Variants in MALRD1 observed in about 807,000 individuals in gnomAD.
The protein encoded by MALRD1 is MAM and LDL-receptor class A domain-containing protein 1.
In MALRD1, 247 loss-of-function variants were observed where a neutral mutation model predicts 242.1. The ratio of observed to expected loss-of-function variants is 1.02; its 90% CI spans 0.92 to 1.13. MALRD1 has a LOEUF of 1.13. Ranked by LOEUF, MALRD1 falls within the 50% of genes most tolerant of loss-of-function variation. MALRD1 has a pLI of 0.00. For missense variants in MALRD1, 2,989 were observed against 2,533.1 expected, an observed-to-expected ratio of 1.18 and a Z score of -3.86; for synonymous variants, 995 against 866.6, an observed-to-expected ratio of 1.15 and a Z score of -2.60.
chr10:19,708,139 CTT>C (rs1488893172), intron 38 of MALRD1, among the ~76,000 whole-genome samples: 2 of 118,652 alleles, frequency 1.7e-5, no homozygotes, highest in South Asian at 6.3e-4. Context: ...GATCTGAAAA[CTT>C]AAGAGGAAAG....
At chr10:19,654,156 A>G (rs781724657) in intron 36 of MALRD1, among the ~76,000 whole-genome samples, 1 of 152,188 alleles carries the variant, frequency 6.6e-6, no homozygotes, top group Non-Finnish European at 1.5e-5. Flanking sequence ...CACCTCCCAT[A>G]AGCACTGCCA....
intron 33 of MALRD1, among the ~76,000 whole-genome samples, chr10:19,581,231 T>C (rs937609490): frequency 2.0e-5 from 3 of 148,058 alleles, no homozygotes; most frequent in African/African-American, 7.5e-5. Flanking sequence ...ATTTATTTAT[T>C]ATTATACTTT....
At chr10:19,212,687 C>A (rs1156867039) in intron 18 of MALRD1, among the ~76,000 whole-genome samples, 1 of 40,282 alleles carries the variant, frequency 2.5e-5, no homozygotes, top group Non-Finnish European at 4.7e-5. Flanking sequence ...TCAAAGTTTA[C>A]ACTATTTTTT....
chr10:19,490,846 CA>C (rs1264095729), intron 29 of MALRD1, among the ~76,000 whole-genome samples: 1 of 151,956 alleles, frequency 6.6e-6, no homozygotes. Context: ...TTTTCATCTA[CA>C]AAAAATTTGC....
At chr10:19,242,609 C>T (rs892306085) in intron 18 of MALRD1, among the ~76,000 whole-genome samples, 5 of 151,900 alleles carry the variant, frequency 3.3e-5, no homozygotes, top group Non-Finnish European at 5.9e-5. Flanking sequence ...GTGTTGGGTA[C>T]GTATATAGTT....
chr10:19,277,071 C>A (rs1840566011), intron 19 of MALRD1, among the ~76,000 whole-genome samples: 1 of 151,968 alleles, frequency 6.6e-6, no homozygotes, highest in African/African-American at 2.4e-5. Context: ...AGGTGTGGGC[C>A]ACCATGCCCA....
At chr10:19,419,844 A>T (rs1204758352) in intron 28 of MALRD1, among the ~76,000 whole-genome samples, 1 of 152,182 alleles carries the variant, frequency 6.6e-6, no homozygotes, top group African/African-American at 2.4e-5. Context: ...ACCAGGCATG[A>T]TAAATGTTTA....
chr10:19,466,815 C>T (rs1382601575), intron 29 of MALRD1, among the ~76,000 whole-genome samples: 2 of 151,992 alleles, frequency 1.3e-5, no homozygotes, highest in African/African-American at 2.4e-5. Flanking sequence ...ATGCACATAG[C>T]CTGAAGGTAA....
intron 38 of MALRD1, among the ~76,000 whole-genome samples, chr10:19,693,487 A>G (rs1833207183): frequency 6.6e-6 from 1 of 152,284 alleles, no homozygotes; most frequent in Non-Finnish European, 1.5e-5. Context: ...TACTTCAAAG[A>G]GAATAAAATG....
At chr10:19,597,130 A>G (rs546405380) in intron 34 of MALRD1, among the ~76,000 whole-genome samples, 2 of 152,306 alleles carry the variant, frequency 1.3e-5, no homozygotes, top group Admixed American at 6.5e-5. Flanking sequence ...TCTCTCTGAG[A>G]TAAAGCCAAC....
At chr10:19,113,911 T>C (rs1048137930) in intron 5 of MALRD1, among the ~76,000 whole-genome samples, 2 of 152,152 alleles carry the variant, frequency 1.3e-5, no homozygotes, top group African/African-American at 4.8e-5. Flanking sequence ...GTTCCTACCC[T>C]GTCTAATTCA....
chr10:19,387,806 A>T, intron 27 of MALRD1, 33 bp downstream of exon 27: 1 of 1,533,250 alleles, frequency 6.5e-7, no homozygotes. Context: ...TTGCTTTCAC[A>T]TGATTTTCAC....
At chr10:19,331,050 G>T (rs985791675) in intron 23 of MALRD1, among the ~76,000 whole-genome samples, 1 of 152,126 alleles carries the variant, frequency 6.6e-6, no homozygotes, top group East Asian at 1.9e-4. Flanking sequence ...AGTAGGTCTT[G>T]TTGGAGATCT....
intron 29 of MALRD1, among the ~76,000 whole-genome samples, chr10:19,457,695 C>A (rs376693659): frequency 8.7e-5 from 13 of 149,126 alleles, no homozygotes; most frequent in African/African-American, 3.2e-4. Context: ...CTAGGGAGAA[C>A]TGGGTTGGTC....
intron 39 of MALRD1, among the ~76,000 whole-genome samples, chr10:19,731,209 C>A (rs1021600071): frequency 1.3e-5 from 2 of 152,080 alleles, no homozygotes; most frequent in African/African-American, 4.8e-5. Context: ...CTAGTGAGGG[C>A]CATTACCTGA....
At chr10:19,196,413 A>G (rs1205127843) in intron 14 of MALRD1, among the ~76,000 whole-genome samples, 1 of 152,078 alleles carries the variant, frequency 6.6e-6, no homozygotes, top group Non-Finnish European at 1.5e-5. Flanking sequence ...GTTCTTATCC[A>G]AGCTACCAGT....
At chr10:19,534,028 A>G (rs148890447) in intron 32 of MALRD1, among the ~76,000 whole-genome samples, 5 of 152,264 alleles carry the variant, frequency 3.3e-5, no homozygotes, top group African/African-American at 9.6e-5. Context: ...ACAAAGGGAG[A>G]GAGATTGTTT....
At chr10:19,177,011 T>C (rs1835288680) in intron 14 of MALRD1, among the ~76,000 whole-genome samples, 1 of 151,932 alleles carries the variant, frequency 6.6e-6, no homozygotes, top group South Asian at 2.1e-4. Flanking sequence ...GCACGGTGGC[T>C]CACACCTGCA....
intron 38 of MALRD1, among the ~76,000 whole-genome samples, chr10:19,725,470 C>G (rs1170040349): frequency 6.6e-6 from 1 of 152,174 alleles, no homozygotes; most frequent in Non-Finnish European, 1.5e-5. Context: ...AATTAAACCT[C>G]TTTCCTTTAT....
Sources: allele counts gnomAD v4.1 joint callset (sites outside exome capture counted in the v4.1 genomes callset), GRCh38; gene constraint gnomAD v4.1.1; transcripts MANE v1.5; gene names NCBI Gene and HGNC (gene_info 2026-07-23, HGNC 2026-07-21).